The following GLIS3 variants were observed in gnomAD, a reference collection of about 807,000 sequenced individuals.
The protein encoded by GLIS3 is GLIS family zinc finger 3.
A neutral mutation model predicts 78.6 loss-of-function variants in GLIS3; 53 were observed. That is an observed-to-expected ratio of 0.67 (90% CI 0.54 to 0.85). The LOEUF is 0.85. GLIS3 is among the 40% of genes least tolerant of loss of function. GLIS3 has a pLI of 0.00. For missense variants in GLIS3, 1,703 were observed against 1,231.1 expected, an observed-to-expected ratio of 1.38 and a Z score of -5.74; for synonymous variants, 684 against 509.9, an observed-to-expected ratio of 1.34 and a Z score of -4.60.
intron 7 of GLIS3, among the ~76,000 whole-genome samples, chr9:3,891,341 A>C (rs998018303): frequency 1.3e-5 from 2 of 152,160 alleles, no homozygotes; most frequent in East Asian, 1.9e-4. Flanking sequence ...TATAAATGTT[A>C]CATTTGAGCA....
intron 2 of GLIS3, among the ~76,000 whole-genome samples, chr9:4,181,043 C>G (rs754833544): frequency 1.3e-5 from 2 of 152,210 alleles, no homozygotes; most frequent in African/African-American, 2.4e-5. Flanking sequence ...GTAAGATGAG[C>G]TGAGTCAAAC....
Position 4,125,848 on chromosome 9 carries a change from A to C in GLIS3, c.482T>G (p.Leu161Arg), listed in dbSNP as rs1832535986. Residue 161 changes from leucine (L) to arginine (R), a missense_variant, in exon 3 of 11, where the codon CTG becomes CGG. Transcript: ENST00000381971. Reference protein sequence around the residue: ...VTSSPMMVQRLGLISPPASQV... With the variant: ...VTSSPMMVQRRGLISPPASQV... ...GCTTGCTGGAGGTGAAATGAGTCCC[A>C]GTCGCTGAACCATCATGGGACTGCT... is the stretch of plus-strand genomic sequence containing the variant. 6.2e-7 allele frequency: 1 copy of C among 1,613,962 alleles called. No homozygotes were observed.
the GLIS3 span, among the ~76,000 whole-genome samples, chr9:4,445,230 T>C: frequency 3.9e-5 from 6 of 152,318 alleles, no homozygotes; most frequent in Admixed American, 3.3e-4. Flanking sequence ...CTGTAAGAAA[T>C]GTATATGAAA....
At chr9:3,848,998 C>T (rs576427169) in intron 9 of GLIS3, among the ~76,000 whole-genome samples, 31 of 152,304 alleles carry the variant, frequency 2.0e-4, no homozygotes, top group African/African-American at 7.5e-4. Flanking sequence ...GGGAGGGCGC[C>T]CCCTTCCCAC....
the GLIS3 span, among the ~76,000 whole-genome samples, chr9:4,447,692 T>C: frequency 6.6e-6 from 1 of 152,174 alleles, no homozygotes. Context: ...CTGAAAGAGA[T>C]GCTGAAATTT....
the GLIS3 span, among the ~76,000 whole-genome samples, chr9:4,400,169 C>T: frequency 4.6e-5 from 7 of 152,292 alleles, no homozygotes; most frequent in African/African-American, 1.2e-4. Flanking sequence ...CTTCCCCTAT[C>T]GCTTCTCGGC....
At chr9:3,906,607 G>C (rs371946087) in intron 6 of GLIS3, among the ~76,000 whole-genome samples, 8 of 152,260 alleles carry the variant, frequency 5.3e-5, no homozygotes, top group African/African-American at 1.7e-4. Context: ...CCTGCACACA[G>C]AGGGTGGGTT....
chr9:4,350,804 GTTTTGT>G (rs778623928), upstream of GLIS3, among the ~76,000 whole-genome samples: 44 of 152,116 alleles, frequency 2.9e-4, no homozygotes, highest in Non-Finnish European at 4.3e-4. Flanking sequence ...GTTTTGTTTT[GTTTTGT>G]TTTTGTTTTT....
At chr9:4,182,775 G>A (rs1029543911) in intron 2 of GLIS3, among the ~76,000 whole-genome samples, 1 of 152,190 alleles carries the variant, frequency 6.6e-6, no homozygotes, top group East Asian at 1.9e-4. Context: ...CAATAGTAAT[G>A]ATGATCAGAA....
chr9:4,177,725 G>A (rs1214071145), intron 2 of GLIS3, among the ~76,000 whole-genome samples: 1 of 152,332 alleles, frequency 6.6e-6, no homozygotes. Context: ...AAGAGACATA[G>A]TAAGAAATCT....
At chr9:4,105,900 C>G (rs1366299139) in intron 4 of GLIS3, among the ~76,000 whole-genome samples, 2 of 152,086 alleles carry the variant, frequency 1.3e-5, no homozygotes, top group Non-Finnish European at 2.9e-5. Context: ...AGTTAGAGTC[C>G]TCACCAGCAG....
At chr9:4,451,566 G>T in the GLIS3 span, among the ~76,000 whole-genome samples, 1 of 151,952 alleles carries the variant, frequency 6.6e-6, no homozygotes, top group East Asian at 1.9e-4. Context: ...GCACTACATC[G>T]CACTTACCCC....
intron 4 of GLIS3, among the ~76,000 whole-genome samples, chr9:3,998,126 T>G (rs1820870218): frequency 1.3e-5 from 2 of 152,182 alleles, no homozygotes; most frequent in African/African-American, 2.4e-5. Context: ...TGATTCCCAT[T>G]ACTCTTTGAG....
the GLIS3 span, among the ~76,000 whole-genome samples, chr9:4,354,773 T>C: frequency 1.3e-5 from 2 of 152,188 alleles, no homozygotes; most frequent in East Asian, 3.9e-4. Context: ...TACCCCAAAT[T>C]CCACCCTCAA....
chr9:4,465,499 A>G, the GLIS3 span, among the ~76,000 whole-genome samples: 1 of 152,200 alleles, frequency 6.6e-6, no homozygotes, highest in Non-Finnish European at 1.5e-5. Flanking sequence ...TAGTGAGCCA[A>G]GATCATGCCA....
In GLIS3 at chr9:4,097,667, G is replaced by A. The variant is rs537443526; in HGVS notation, c.1710+20101C>T. On this transcript the variant is annotated intron_variant, in intron 4 of 10. Coordinates refer to ENST00000381971, the MANE Select transcript of GLIS3 (RefSeq NM_001042413.2). ...ATATTTTAGAATAAAAACAACCATCGGTATGTGCAGTGCTATTGTTGTTGA... is the reference window on the plus strand; with the variant it reads ...ATATTTTAGAATAAAAACAACCATCAGTATGTGCAGTGCTATTGTTGTTGA... Among the ~76,000 whole-genome samples the A allele has an allele frequency of 2.4e-4, 37 of 152,184 alleles. 1 individual carries two copies. Among genetic ancestry groups the A allele is most frequent in the African/African-American group, 6.0e-4 (25 of 41,522 alleles).
chr9:3,870,076 G>C (rs962022481), intron 8 of GLIS3, among the ~76,000 whole-genome samples: 4 of 152,204 alleles, frequency 2.6e-5, no homozygotes, highest in African/African-American at 7.2e-5. Flanking sequence ...GGTTTGGGTA[G>C]AGCTAAAGAA....
chr9:4,422,509 TTC>T, the GLIS3 span, among the ~76,000 whole-genome samples: 5 of 152,238 alleles, frequency 3.3e-5, no homozygotes, highest in Admixed American at 6.5e-5. Context: ...TCCACCTGGA[TTC>T]TGTTTCCCCT....
At chr9:4,341,502 A>G (rs1054770991) in intron 2 of GLIS3, among the ~76,000 whole-genome samples, 11 of 152,132 alleles carry the variant, frequency 7.2e-5, no homozygotes, top group African/African-American at 2.2e-4. Context: ...ATGCTGCCCT[A>G]TATCATTTTT....
Sources: allele counts gnomAD v4.1 joint callset (sites outside exome capture counted in the v4.1 genomes callset), GRCh38; gene constraint gnomAD v4.1.1; transcripts MANE v1.5; gene names NCBI Gene and HGNC (gene_info 2026-07-23, HGNC 2026-07-21).